The following ATP9A variants were observed in gnomAD, a reference collection of about 807,000 sequenced individuals.
The protein encoded by ATP9A is ATPase phospholipid transporting 9A.
A neutral mutation model predicts 144.1 loss-of-function variants in ATP9A; 52 were observed. The ratio of observed to expected loss-of-function variants is 0.36; its 90% CI spans 0.29 to 0.45. The LOEUF is 0.45. Ranked by LOEUF, ATP9A falls within the 20% of genes least tolerant of loss-of-function variation. The pLI is 1.00. For synonymous variants in ATP9A, 582 were observed against 557.4 expected (o/e 1.04, Z -0.62); for missense variants, 947 against 1,392.7 (o/e 0.68, Z 5.09).
chr20:51,719,710 C>T (rs1247512648), intron 3 of ATP9A, among the ~76,000 whole-genome samples: 1 of 111,624 alleles, frequency 9.0e-6, no homozygotes, highest in Non-Finnish European at 1.8e-5. Flanking sequence ...TCCAGCCTGG[C>T]AACAGATCAA....
At chr20:51,744,196 C>CA (rs1302195344) in intron 1 of ATP9A, among the ~76,000 whole-genome samples, 3 of 151,980 alleles carry the variant, frequency 2.0e-5, no homozygotes, top group African/African-American at 7.3e-5. Context: ...GACAGGGTCT[C>CA]ACTCTGTCAC....
Position 51,629,084 on chromosome 20 carries a change from G to A in ATP9A, c.1669-12C>T, listed in dbSNP as rs1384317258. 1 of 1,605,056 alleles carries A rather than the reference G, an allele frequency of 6.2e-7. No individual in the cohort carries two copies. The highest frequency in any genetic ancestry group is 8.5e-7 in the Non-Finnish European group (1 of 1,171,884). On this transcript the variant is annotated splice_polypyrimidine_tract_variant and intron_variant, in intron 15 of 27. Transcript: ENST00000338821. ...CCAGTTGATTCATCCTAGAGAGGGA[G>A]GCCGGAAGGAATGAGAAACTGAAAG...
chr20:51,612,832 G>A (rs909834070), intron 23 of ATP9A, among the ~76,000 whole-genome samples: 4 of 152,106 alleles, frequency 2.6e-5, no homozygotes, highest in African/African-American at 9.7e-5. Context: ...AACTTCCAAG[G>A]GTATTCGTGA....
At chr20:51,641,739 G>A (rs2077320068) in intron 14 of ATP9A, among the ~76,000 whole-genome samples, 1 of 146,494 alleles carries the variant, frequency 6.8e-6, no homozygotes, top group Non-Finnish European at 1.5e-5. Context: ...GCTGAGGCAG[G>A]AGAATCACTT....
At chr20:51,723,495 G>A (rs1456380815) in intron 3 of ATP9A, among the ~76,000 whole-genome samples, 1 of 151,502 alleles carries the variant, frequency 6.6e-6, no homozygotes, top group Non-Finnish European at 1.5e-5. Flanking sequence ...GATTCCTTTA[G>A]CATAGGAATT....
chr20:51,608,975 T>C (rs1472102986), intron 24 of ATP9A, among the ~76,000 whole-genome samples: 1 of 135,242 alleles, frequency 7.4e-6, no homozygotes, highest in African/African-American at 2.8e-5. Flanking sequence ...GGTACAATTT[T>C]AGAGGCTGAG....
intron 4 of ATP9A, among the ~76,000 whole-genome samples, chr20:51,700,818 G>A (rs778199588): frequency 2.6e-5 from 4 of 152,146 alleles, no homozygotes; most frequent in Admixed American, 6.6e-5. Flanking sequence ...CAACAAGAGC[G>A]AAACTCCGTC....
intron 13 of ATP9A, among the ~76,000 whole-genome samples, chr20:51,666,269 G>A (rs1389609432): frequency 6.6e-6 from 1 of 152,124 alleles, no homozygotes; most frequent in Non-Finnish European, 1.5e-5. Flanking sequence ...GTTCTCCAAT[G>A]CTACTGTACT....
chr20:51,619,706 T>C (rs2122721804), intron 19 of ATP9A, among the ~76,000 whole-genome samples: 1 of 150,932 alleles, frequency 6.6e-6, no homozygotes, highest in Non-Finnish European at 1.5e-5. Context: ...CCATCTCTAC[T>C]AAAAATACAA....
At chr20:51,655,713 AACAG>A (rs140111167) in intron 14 of ATP9A, among the ~76,000 whole-genome samples, 3,254 of 152,204 alleles carry the variant, frequency 0.021, 123 homozygotes, top group African/African-American at 0.074. Context: ...ACTTTTGGAA[AACAG>A]ACAGACAGCT....
At chr20:51,722,623 C>T (rs1432056641) in intron 3 of ATP9A, among the ~76,000 whole-genome samples, 2 of 152,148 alleles carry the variant, frequency 1.3e-5, no homozygotes, top group African/African-American at 4.8e-5. Flanking sequence ...CAGGGAAATG[C>T]AAATCGAAAC....
intron 27 of ATP9A, among the ~76,000 whole-genome samples, chr20:51,603,219 A>G (rs900568954): frequency 6.6e-6 from 1 of 152,218 alleles, no homozygotes; most frequent in African/African-American, 2.4e-5. Context: ...TGTTTGAATA[A>G]CACAGACAGA....
At chr20:51,608,379 G>C in intron 25 of ATP9A, 139 bp downstream of exon 25, 1 of 636,466 alleles carries the variant, frequency 1.6e-6, no homozygotes, top group Non-Finnish European at 2.8e-6. Flanking sequence ...AAGTAAAAAA[G>C]CTACCAGTTC....
At chr20:51,642,725 C>CAA (rs2077324975) in intron 14 of ATP9A, among the ~76,000 whole-genome samples, 1 of 65,592 alleles carries the variant, frequency 1.5e-5, no homozygotes, top group Non-Finnish European at 2.8e-5. Flanking sequence ...GACTCTGTCT[C>CAA]CAAAAAAAAA....
At chr20:51,750,552 C>T (rs1424150376) in intron 1 of ATP9A, among the ~76,000 whole-genome samples, 1 of 152,208 alleles carries the variant, frequency 6.6e-6, no homozygotes, top group African/African-American at 2.4e-5. Flanking sequence ...TAAGCAAAAA[C>T]ATGAGTAAGT....
At chr20:51,665,176 T>C (rs180850629) in intron 13 of ATP9A, among the ~76,000 whole-genome samples, 37 of 150,812 alleles carry the variant, frequency 2.5e-4, no homozygotes, top group African/African-American at 9.0e-4. Context: ...TGTTTGATTC[T>C]ATTTATAGGC....
chr20:51,636,375 T>C (rs1213788608), intron 15 of ATP9A, among the ~76,000 whole-genome samples: 1 of 152,240 alleles, frequency 6.6e-6, no homozygotes, highest in East Asian at 1.9e-4. Context: ...TAGACTGCAG[T>C]TGACCATGGG....
At chr20:51,604,749 G>T in intron 27 of ATP9A, 68 bp downstream of exon 27, 4 of 1,344,032 alleles carry the variant, frequency 3.0e-6, no homozygotes, top group South Asian at 1.9e-5. Flanking sequence ...TCCTTCATAC[G>T]GCAGTGAGAC....
At chr20:51,702,585 C>T (rs945729578) in intron 4 of ATP9A, among the ~76,000 whole-genome samples, 2 of 151,960 alleles carry the variant, frequency 1.3e-5, no homozygotes, top group Non-Finnish European at 2.9e-5. Flanking sequence ...CCAAGGAGCT[C>T]TCAAGTTGGT....
Sources: allele counts gnomAD v4.1 joint callset (sites outside exome capture counted in the v4.1 genomes callset), GRCh38; gene constraint gnomAD v4.1.1; transcripts MANE v1.5; gene names NCBI Gene and HGNC (gene_info 2026-07-23, HGNC 2026-07-21).